NUBPL: variants seen among roughly 807,000 people sequenced by gnomAD.
NUBPL encodes the protein iron-sulfur cluster transfer protein NUBPL.
Under a neutral mutation model 45.7 loss-of-function variants are expected in NUBPL, and 31 were observed. That is an observed-to-expected ratio of 0.68 (90% confidence interval 0.51 to 0.92). The LOEUF (loss-of-function observed/expected upper bound fraction) is 0.92, where lower values mean the gene tolerates loss of function less well. Ranked by LOEUF, NUBPL falls within the 40% of genes least tolerant of loss-of-function variation. The pLI, the probability that NUBPL is intolerant of heterozygous loss-of-function variation, is 0.00. For missense variants in NUBPL, 401 were observed against 398.7 expected (o/e 1.01, Z -0.05); for synonymous variants, 144 against 140.9 (o/e 1.02, Z -0.15).
intron 6 of NUBPL, among the ~76,000 whole-genome samples, chr14:31,722,236 TC>T (rs765175681): frequency 2.0e-5 from 3 of 152,132 alleles, no homozygotes; most frequent in Admixed American, 6.5e-5. Flanking sequence ...GGTCTCAATC[TC>T]CTGACCTTGT....
intron 6 of NUBPL, chr14:31,771,903 G>A: frequency 2.0e-6 from 2 of 984,728 alleles, no homozygotes; most frequent in Non-Finnish European, 2.4e-6. Flanking sequence ...AAACTTGGTT[G>A]GGATAGTTCT....
At chr14:31,831,289 C>A (rs974505744) in intron 8 of NUBPL, among the ~76,000 whole-genome samples, 3 of 151,964 alleles carry the variant, frequency 2.0e-5, no homozygotes, top group Admixed American at 6.6e-5. Context: ...GCAATCCACC[C>A]GCCTCAGTCT....
intron 4 of NUBPL, among the ~76,000 whole-genome samples, chr14:31,608,150 C>T (rs2034652585): frequency 6.6e-6 from 1 of 152,164 alleles, no homozygotes; most frequent in Non-Finnish European, 1.5e-5. Flanking sequence ...TGAAAATATC[C>T]TTCAAGCATC....
intron 4 of NUBPL, among the ~76,000 whole-genome samples, chr14:31,620,636 A>G (rs553194269): frequency 2.0e-3 from 304 of 152,286 alleles, no homozygotes; most frequent in African/African-American, 7.0e-3. Context: ...AGATTCCTGC[A>G]TGTTTCTTCC....
At chr14:31,800,923 T>C (rs36095275) in intron 7 of NUBPL, 46,630 of 152,090 alleles carry the variant, frequency 0.31, 8,206 homozygotes, top group South Asian at 0.42. Context: ...TAAAATGAAT[T>C]AATAAAACAA....
chr14:31,665,118 T>G (rs2036373668), intron 4 of NUBPL, among the ~76,000 whole-genome samples: 1 of 152,182 alleles, frequency 6.6e-6, no homozygotes, highest in Non-Finnish European at 1.5e-5. Flanking sequence ...CTCTCTTTTC[T>G]TCTTTATTAG....
intron 7 of NUBPL, among the ~76,000 whole-genome samples, chr14:31,816,615 T>C (rs1331849863): frequency 6.6e-6 from 1 of 152,184 alleles, no homozygotes; most frequent in Non-Finnish European, 1.5e-5. Context: ...CTTTTAATTG[T>C]GATGTTAGGG....
rs186024259 is a variant in NUBPL, at chr14:31,727,877, T to C, written c.513+54303T>C. ...TATTTTACTAAACTATTCATGGTCC[T>C]GATTTAAGTATAAGCTGGGAACTGT... On this transcript the variant is annotated intron_variant, in intron 6 of 10. Coordinates refer to ENST00000281081, the MANE Select transcript of NUBPL (RefSeq NM_025152.3). Among the ~76,000 whole-genome samples, 14 of 152,338 alleles carry C rather than the reference T, an allele frequency of 9.2e-5. No individual in the cohort carries two copies. The East Asian group carries it at 2.7e-3, about 29-fold the overall frequency.
chr14:31,725,398 C>G (rs2037898067), intron 6 of NUBPL, among the ~76,000 whole-genome samples: 1 of 152,082 alleles, frequency 6.6e-6, no homozygotes, highest in African/African-American at 2.4e-5. Flanking sequence ...TATCTTTTAT[C>G]CAAAATGCTG....
intron 4 of NUBPL, among the ~76,000 whole-genome samples, chr14:31,656,084 G>A (rs979921220): frequency 1.3e-5 from 2 of 152,112 alleles, no homozygotes; most frequent in African/African-American, 2.4e-5. Context: ...TTATGTTATA[G>A]AGATGGCTTT....
chr14:31,739,579 A>G (rs1355982943), intron 6 of NUBPL, among the ~76,000 whole-genome samples: 1 of 152,098 alleles, frequency 6.6e-6, no homozygotes, highest in African/African-American at 2.4e-5. Context: ...CCCATGCCCC[A>G]ACACATGCAT....
intron 6 of NUBPL, among the ~76,000 whole-genome samples, chr14:31,784,778 A>C (rs562312287): frequency 3.7e-4 from 57 of 152,338 alleles, no homozygotes; most frequent in African/African-American, 1.3e-3. Flanking sequence ...TATCAAGTAC[A>C]TGTGTTTGGG....
intron 4 of NUBPL, among the ~76,000 whole-genome samples, chr14:31,661,223 G>A (rs2036260756): frequency 6.6e-6 from 1 of 152,174 alleles, no homozygotes; most frequent in Admixed American, 6.5e-5. Context: ...ATGCTTCAGT[G>A]CATGAGCTCT....
intron 6 of NUBPL, among the ~76,000 whole-genome samples, chr14:31,765,907 G>A (rs1162312332): frequency 1.3e-5 from 2 of 152,038 alleles, no homozygotes; most frequent in Admixed American, 1.3e-4. Context: ...CAAAAATACA[G>A]ACAGACAGAA....
chr14:31,640,426 C>T (rs1206975301), intron 4 of NUBPL, among the ~76,000 whole-genome samples: 2 of 151,894 alleles, frequency 1.3e-5, no homozygotes, highest in Non-Finnish European at 2.9e-5. Context: ...ATGGCAAAAC[C>T]CTGTCTCTGC....
intron 6 of NUBPL, among the ~76,000 whole-genome samples, chr14:31,714,112 G>C (rs181083211): frequency 2.2e-4 from 33 of 152,274 alleles, no homozygotes; most frequent in Admixed American, 2.2e-3. Context: ...ATGTGAACCA[G>C]TTCTAACCAA....
chr14:31,840,344 C>T (rs1019803841), intron 8 of NUBPL, among the ~76,000 whole-genome samples: 1 of 152,136 alleles, frequency 6.6e-6, no homozygotes, highest in African/African-American at 2.4e-5. Context: ...GAGGCCAAGG[C>T]AGATGGATCA....
intron 6 of NUBPL, among the ~76,000 whole-genome samples, chr14:31,712,373 C>T (rs2037593895): frequency 6.6e-6 from 1 of 152,236 alleles, no homozygotes; most frequent in African/African-American, 2.4e-5. Context: ...CTCTGGCAGC[C>T]CAGAGGGAGT....
intron 3 of NUBPL, among the ~76,000 whole-genome samples, chr14:31,589,330 C>G (rs982054653): frequency 1.1e-4 from 17 of 152,100 alleles, no homozygotes; most frequent in Admixed American, 9.8e-4. Flanking sequence ...TTATTTCACT[C>G]ATGATTTAGA....
Sources: allele counts gnomAD v4.1 joint callset (sites outside exome capture counted in the v4.1 genomes callset), GRCh38; gene constraint gnomAD v4.1.1; transcripts MANE v1.5; gene names NCBI Gene and HGNC (gene_info 2026-07-23, HGNC 2026-07-21).